The following GPC5 variants were observed in gnomAD, a reference collection of about 807,000 sequenced individuals.
GPC5 encodes glypican-5.
GPC5 carries 47 observed loss-of-function variants against 53.9 expected under a neutral mutation model. That is an observed-to-expected ratio of 0.87 (90% confidence interval 0.69 to 1.11). GPC5 has a LOEUF of 1.11. Ranked by LOEUF, GPC5 falls within the 50% of genes most tolerant of loss-of-function variation. The pLI, the probability that GPC5 is intolerant of heterozygous loss-of-function variation, is 0.00. For missense variants in GPC5, 748 were observed against 713.1 expected (o/e 1.05, Z -0.56); for synonymous variants, 286 against 263.3 (o/e 1.09, Z -0.84).
At chr13:91,797,535 A>G (rs2989996) in intron 5 of GPC5, among the ~76,000 whole-genome samples, 54,612 of 151,980 alleles carry the variant, frequency 0.36, 11,120 homozygotes, top group African/African-American at 0.56. Flanking sequence ...CTTAACTGAG[A>G]CAGATAACAT....
chr13:92,791,116 C>A (rs1876445703), intron 7 of GPC5, among the ~76,000 whole-genome samples: 1 of 152,004 alleles, frequency 6.6e-6, no homozygotes, highest in African/African-American at 2.4e-5. Context: ...GCTCTGTATT[C>A]AAGGTGAAAC....
rs376898557 is a variant in GPC5 at position 92,716,880 on chromosome 13, A to AAATT, written c.1562-149399_1562-149396dup. Reference sequence around the variant, plus strand: ...TGAATATATAGGGAATGTGGACATGAAATTAAAATATACTATTTTATTTAT... The same window carrying AAATT: ...TGAATATATAGGGAATGTGGACATGAAATTAATTAAAATATACTATTTTATTTAT... On this transcript the variant is annotated intron_variant, in intron 7 of 7. Transcript: ENST00000377067. Among the ~76,000 whole-genome samples, 118 of 152,324 alleles carry AAATT rather than the reference A, an allele frequency of 7.7e-4. 1 individual carries two copies. Among genetic ancestry groups the AAATT allele is most frequent in the African/African-American group, 2.5e-3 (105 of 41,576 alleles).
At chr13:91,949,974 G>T (rs1212462825) in intron 6 of GPC5, among the ~76,000 whole-genome samples, 19 of 152,158 alleles carry the variant, frequency 1.2e-4, no homozygotes, top group Non-Finnish European at 2.2e-4. Context: ...GACTGAACTA[G>T]GAGAAGAGCC....
chr13:92,737,562 G>A (rs1888969317), intron 7 of GPC5, among the ~76,000 whole-genome samples: 1 of 151,938 alleles, frequency 6.6e-6, no homozygotes, highest in Admixed American at 6.6e-5. Context: ...GATGTCAAAT[G>A]GATATAACTT....
At chr13:92,806,802 G>T (rs972427479) in intron 7 of GPC5, among the ~76,000 whole-genome samples, 1 of 151,946 alleles carries the variant, frequency 6.6e-6, no homozygotes, top group African/African-American at 2.4e-5. Flanking sequence ...TAACATCAAA[G>T]ACCACTGATC....
rs1011060922 is a variant in GPC5 at position 92,616,436 on chromosome 13, A to AGAGG, written c.1562-249843_1562-249842insGGAG. Among the ~76,000 whole-genome samples the AGAGG allele has an allele frequency of 6.6e-5, 10 of 152,350 alleles. No individual in the cohort carries two copies. In the East Asian group the frequency reaches 1.2e-3, roughly 18 times the overall value. On this transcript the variant is annotated intron_variant, in intron 7 of 7. Transcript: ENST00000377067. ...AAAGTGTGGAAAAGTCTGGATGTGT[A>AGAGG]GAGAAGTTATGGAGGACATAACTGG...
chr13:92,381,930 G>GATATATATAATCATATAT (rs1566565424), intron 7 of GPC5, among the ~76,000 whole-genome samples: 4 of 58,378 alleles, frequency 6.9e-5, no homozygotes, highest in Non-Finnish European at 1.7e-4. Context: ...TCATATATAT[G>GATATATATAATCATATAT]ATTATATATG....
intron 5 of GPC5, among the ~76,000 whole-genome samples, chr13:91,830,174 C>T (rs1001650927): frequency 2.6e-5 from 4 of 151,948 alleles, no homozygotes; most frequent in Non-Finnish European, 4.4e-5. Context: ...CCCCCAGGCA[C>T]GTATTCTCTT....
At chr13:92,432,873 A>G (rs1179010726) in intron 7 of GPC5, among the ~76,000 whole-genome samples, 2 of 152,098 alleles carry the variant, frequency 1.3e-5, no homozygotes, top group Admixed American at 1.3e-4. Context: ...TGTAGGACTT[A>G]GAAGGATCCT....
chr13:91,428,528 C>T (rs1879215698), intron 1 of GPC5, among the ~76,000 whole-genome samples: 1 of 152,186 alleles, frequency 6.6e-6, no homozygotes, highest in African/African-American at 2.4e-5. Flanking sequence ...AATGGAAGTT[C>T]TCAAGTCTGT....
chr13:91,632,209 T>A (rs920076267), intron 2 of GPC5, among the ~76,000 whole-genome samples: 1 of 152,116 alleles, frequency 6.6e-6, no homozygotes, highest in Non-Finnish European at 1.5e-5. Flanking sequence ...TAAAATGATA[T>A]CCTTGTAAAA....
chr13:92,441,782 C>G (rs1028000323), intron 7 of GPC5, among the ~76,000 whole-genome samples: 35 of 152,016 alleles, frequency 2.3e-4, no homozygotes, highest in African/African-American at 8.2e-4. Flanking sequence ...ACAGAGTCAA[C>G]ACTATTCCTA....
At chr13:92,574,846 T>C (rs965891870) in intron 7 of GPC5, among the ~76,000 whole-genome samples, 3 of 152,166 alleles carry the variant, frequency 2.0e-5, no homozygotes, top group African/African-American at 7.2e-5. Context: ...TATTTGCTGG[T>C]CTTATCTAGC....
At chr13:92,371,684 T>C (rs1159798464) in intron 7 of GPC5, among the ~76,000 whole-genome samples, 1 of 152,142 alleles carries the variant, frequency 6.6e-6, no homozygotes, top group African/African-American at 2.4e-5. Context: ...GAAGATCCCC[T>C]TATAAAACCT....
intron 6 of GPC5, among the ~76,000 whole-genome samples, chr13:92,023,124 T>C (rs545911636): frequency 6.6e-5 from 10 of 152,168 alleles, no homozygotes; most frequent in African/African-American, 2.2e-4. Flanking sequence ...GTGATGACAG[T>C]GTTAAGTTTT....
intron 6 of GPC5, among the ~76,000 whole-genome samples, chr13:92,081,545 A>G (rs1040898401): frequency 5.9e-5 from 9 of 152,168 alleles, no homozygotes; most frequent in Non-Finnish European, 1.3e-4. Flanking sequence ...ATTTGATTGT[A>G]CTCTGAGGAC....
rs752130758 is a variant in GPC5, at chr13:92,708,857, C to CTTTTTTTTTTTTTTTTTTTTTTTTTTT, written c.1562-157408_1562-157382dup. 2.3e-4 allele frequency among the ~76,000 whole-genome samples: 11 copies of CTTTTTTTTTTTTTTTTTTTTTTTTTTT among 48,140 alleles called. 5 individuals are homozygous for CTTTTTTTTTTTTTTTTTTTTTTTTTTT. The highest frequency in any genetic ancestry group is 3.7e-4 in the Non-Finnish European group (9 of 24,284). 31.6% of individuals were successfully genotyped at this position (48,140 alleles called of 152,430 possible). A position where few individuals can be genotyped will look rare whatever the true frequency, so the allele number is the denominator to read the frequency against. On this transcript the variant is annotated intron_variant, in intron 7 of 7. Coordinates refer to ENST00000377067, the MANE Select transcript of GPC5 (RefSeq NM_004466.6). Reference sequence around the variant, plus strand: ...CTAGCAGCATCTAGCTGGAAACCGCCTTTTTTTTTTTTTTTTTTTTTTTTT... The same window carrying CTTTTTTTTTTTTTTTTTTTTTTTTTTT: ...CTAGCAGCATCTAGCTGGAAACCGCCTTTTTTTTTTTTTTTTTTTTTTTTTTTTTTTTTTTTTTTTTTTTTTTTTTTT...
intron 7 of GPC5, among the ~76,000 whole-genome samples, chr13:92,694,393 TG>T (rs1887500563): frequency 6.6e-6 from 1 of 152,182 alleles, no homozygotes; most frequent in African/African-American, 2.4e-5. Context: ...TGAAAGCAGC[TG>T]CAGGGGCTGT....
chr13:92,487,648 G>A (rs6492610), intron 7 of GPC5, among the ~76,000 whole-genome samples: 120,286 of 151,898 alleles, frequency 0.79, 47,594 homozygotes, highest in Admixed American at 0.82. Flanking sequence ...AGTGCTGCAC[G>A]TGACCCCAAA....
Sources: gnomAD v4.1 joint callset for allele counts (sites outside exome capture counted in the v4.1 genomes callset) on GRCh38, gnomAD v4.1.1 for gene constraint, MANE v1.5 for transcripts, NCBI Gene and HGNC (gene_info 2026-07-23, HGNC 2026-07-21) for gene names.